EMB: variants seen among roughly 807,000 people sequenced by gnomAD.
The protein encoded by EMB is embigin homolog.
In EMB, 31 loss-of-function variants were observed where a neutral mutation model predicts 41.4. The observed-to-expected ratio is 0.75, with a 90% CI of 0.56 to 1.01. The LOEUF (loss-of-function observed/expected upper bound fraction) is 1.01. Ranked by LOEUF, EMB falls within the 50% of genes least tolerant of loss-of-function variation. The pLI, the probability that EMB is intolerant of heterozygous loss-of-function variation, is 0.00. For synonymous variants in EMB, 137 were observed against 140.4 expected (o/e 0.98, Z 0.17); for missense variants, 379 against 388.3 (o/e 0.98, Z 0.20).
At chr5:50,399,665 C>T (rs1307862509) in intron 8 of EMB, among the ~76,000 whole-genome samples, 194 bp downstream of exon 8, 1 of 151,870 alleles carries the variant, frequency 6.6e-6, no homozygotes, top group African/African-American at 2.4e-5. Flanking sequence ...GCTATGTGCC[C>T]TCTGGTGGAA....
intron 4 of EMB, among the ~76,000 whole-genome samples, chr5:50,406,088 A>G (rs1235245999): frequency 1.3e-5 from 2 of 151,924 alleles, no homozygotes; most frequent in Non-Finnish European, 2.9e-5. Flanking sequence ...TCTATTATTG[A>G]GCCTAACAAC....
chr5:50,422,144 A>AT (rs1467823641), intron 2 of EMB, among the ~76,000 whole-genome samples: 1 of 152,250 alleles, frequency 6.6e-6, no homozygotes, highest in Non-Finnish European at 1.5e-5. Flanking sequence ...TAATACTAAC[A>AT]TGTTAATTAT....
At chr5:50,411,799 A>C (rs1745342776) in intron 2 of EMB, 1 of 152,646 alleles carries the variant, frequency 6.6e-6, no homozygotes, top group African/African-American at 2.4e-5. Context: ...GTAGTTATTA[A>C]GTTTTATGGA....
rs796166393 is a variant in EMB, at chr5:50,440,115, T to C, written c.112+925A>G. 4.3e-4 allele frequency among the ~76,000 whole-genome samples: 65 copies of C among 152,020 alleles called. 2 individuals are homozygous for C. The highest frequency in any genetic ancestry group is 1.5e-3 in the African/African-American group (61 of 41,484). On this transcript the variant is annotated intron_variant, in intron 1 of 8. Transcript: ENST00000303221. ...AATCTCACACATACACACACACACA[T>C]GCACACACACATTTTGTTTTCAAAG...
upstream of EMB, among the ~76,000 whole-genome samples, chr5:50,441,965 A>ACAG (rs1189900429): frequency 6.6e-6 from 1 of 152,212 alleles, no homozygotes; most frequent in East Asian, 1.9e-4. Context: ...TAATGCTCTT[A>ACAG]CCCACAAGGC....
chr5:50,413,511 A>C (rs1745377917), intron 2 of EMB, among the ~76,000 whole-genome samples: 1 of 152,212 alleles, frequency 6.6e-6, no homozygotes, highest in Admixed American at 6.5e-5. Context: ...CATTTCATGA[A>C]AGTAATCAAC....
chr5:50,407,551 A>G (rs1009121820), intron 4 of EMB, among the ~76,000 whole-genome samples: 2 of 151,948 alleles, frequency 1.3e-5, no homozygotes, highest in Non-Finnish European at 2.9e-5. Flanking sequence ...CCCCTAGACT[A>G]ATGACTAAAA....
intron 1 of EMB, among the ~76,000 whole-genome samples, chr5:50,439,778 CA>C (rs1392431131): frequency 6.6e-6 from 1 of 152,032 alleles, no homozygotes; most frequent in Non-Finnish European, 1.5e-5. Context: ...TGGTGTGTTA[CA>C]AAAATTCCAC....
intron 2 of EMB, among the ~76,000 whole-genome samples, chr5:50,423,316 G>GGAGAA (rs1184304663): frequency 2.6e-5 from 4 of 152,104 alleles, no homozygotes; most frequent in African/African-American, 9.7e-5. Context: ...TTGTAAAAGA[G>GGAGAA]GAGAAGAGAA....
intron 2 of EMB, among the ~76,000 whole-genome samples, chr5:50,420,474 T>C (rs1056109461): frequency 2.6e-5 from 4 of 152,226 alleles, no homozygotes; most frequent in East Asian, 1.9e-4. Flanking sequence ...AAGTGACTGA[T>C]TGTCTCAGGT....
intron 1 of EMB, among the ~76,000 whole-genome samples, chr5:50,437,590 C>A (rs1330711953): frequency 5.9e-5 from 9 of 152,112 alleles, no homozygotes. Context: ...CTCAATTTGT[C>A]CCAGATTTGT....
chr5:50,441,252 T>A lies in EMB; in HGVS notation c.-101A>T. ...CGCACACTCGCAGGTGGCCCGGCGC[T>A]CGCAGCCAGTGCCGCGGGTAGGACG... On this transcript the variant is annotated 5_prime_UTR_variant, in exon 1 of 9. Coordinates refer to ENST00000303221, the MANE Select transcript of EMB (RefSeq NM_198449.3). 1 of 625,636 alleles carries A rather than the reference T, an allele frequency of 1.6e-6. No homozygotes were observed. Among genetic ancestry groups the A allele is most frequent in the Non-Finnish European group, 2.3e-6 (1 of 429,770 alleles). The allele number at this position is 625,636 out of a possible 1,614,324, so 38.8% of individuals were successfully genotyped here. A position where few individuals can be genotyped will look rare whatever the true frequency, so the allele number is the denominator to read the frequency against.
At position 50,405,789 on chromosome 5, in the gene EMB, G is replaced by GT; in HGVS notation, c.535dup (p.Thr179AsnfsTer3). ...AGGAAAACAATTTTGACATTTACATGTCAAGACAGTAGAATCCCCTACGTA... is the reference window on the plus strand; with the variant it reads ...AGGAAAACAATTTTGACATTTACATGTTCAAGACAGTAGAATCCCCTACGTA... On this transcript the variant is annotated frameshift_variant, in exon 5 of 9. Coordinates refer to ENST00000303221, the MANE Select transcript of EMB (RefSeq NM_198449.3). LOFTEE classifies it high-confidence loss of function. 1 of 1,606,672 alleles carries GT rather than the reference G, an allele frequency of 6.2e-7. No homozygotes were observed. Among genetic ancestry groups the GT allele is most frequent in the Admixed American group, 1.7e-5 (1 of 59,008 alleles).
intron 4 of EMB, among the ~76,000 whole-genome samples, chr5:50,410,570 G>C (rs1745319558): frequency 6.6e-6 from 1 of 152,092 alleles, no homozygotes; most frequent in Non-Finnish European, 1.5e-5. Flanking sequence ...ACTATTATAA[G>C]AGCTATGAAT....
chr5:50,408,249 TA>T (rs71000700), intron 4 of EMB, among the ~76,000 whole-genome samples: 48,752 of 151,606 alleles, frequency 0.32, 8,082 homozygotes, highest in East Asian at 0.44. Context: ...TAAGAGATTT[TA>T]ACACTGATAA....
Position 50,398,561 on chromosome 5 carries a change from C to G in EMB, c.*712G>C, listed in dbSNP as rs978392340. ...TGGTGTACCTTATGAAGTTAAAAACCCTATTTAAGACTAAGAAGCACTTTA... is the reference window on the plus strand; with the variant it reads ...TGGTGTACCTTATGAAGTTAAAAACGCTATTTAAGACTAAGAAGCACTTTA... On this transcript the variant is annotated 3_prime_UTR_variant, in exon 9 of 9. Transcript: ENST00000303221. 6.6e-6 allele frequency: 1 copy of G among 151,948 alleles called. No individual in the cohort carries two copies. Among genetic ancestry groups the G allele is most frequent in the African/African-American group, 2.4e-5 (1 of 41,370 alleles). 9.4% of individuals were successfully genotyped at this position (151,948 alleles called of 1,614,324 possible).
intron 1 of EMB, among the ~76,000 whole-genome samples, chr5:50,433,663 G>C (rs1025595318): frequency 6.6e-6 from 1 of 152,188 alleles, no homozygotes; most frequent in African/African-American, 2.4e-5. Flanking sequence ...ACAATTGGGG[G>C]AAGATTACTA....
chr5:50,399,404 T>C (rs984833032), intron 8 of EMB, 114 bp from the exon 9 acceptor site: 3 of 1,429,192 alleles, frequency 2.1e-6, no homozygotes, highest in Middle Eastern at 1.8e-4. Flanking sequence ...TCCAATCTAC[T>C]GCCAAAACAG....
chr5:50,441,137 G>C lies in EMB; in HGVS notation c.15C>G (p.Pro5=). 6.7e-7 allele frequency: 1 copy of C among 1,501,866 alleles called. No homozygotes were observed. Among genetic ancestry groups the C allele is most frequent in the Non-Finnish European group, 8.9e-7 (1 of 1,128,910 alleles). The allele number at this position is 1,501,866 out of a possible 1,614,324, so 93.0% of individuals were successfully genotyped here. The part of the protein sequence containing the change: MRAL[P]GLLEARARTP... Reference sequence around the variant, plus strand: ...TACGCGCCCTGGCCTCCAGCAGGCCGGGGAGGGCGCGCATGGCGCCAGAGG... The same window carrying C: ...TACGCGCCCTGGCCTCCAGCAGGCCCGGGAGGGCGCGCATGGCGCCAGAGG... The change falls in exon 1 of 9, where the codon CCC becomes CCG. Residue 5 remains proline (P), a synonymous_variant. Coordinates refer to ENST00000303221, the MANE Select transcript of EMB (RefSeq NM_198449.3).
Sources: gnomAD v4.1 joint callset for allele counts (sites outside exome capture counted in the v4.1 genomes callset) on GRCh38, gnomAD v4.1.1 for gene constraint, MANE v1.5 for transcripts, NCBI Gene and HGNC (gene_info 2026-07-23, HGNC 2026-07-21) for gene names.